FAM171B: variants seen among roughly 807,000 people sequenced by gnomAD.
FAM171B encodes family with sequence similarity 171 member B, also known as protein FAM171B.
A neutral mutation model predicts 75.6 loss-of-function variants in FAM171B; 19 were observed. The ratio of observed to expected loss-of-function variants is 0.25; its 90% confidence interval spans 0.18 to 0.37. The LOEUF is 0.37. Ranked by LOEUF, FAM171B falls within the 10% of genes least tolerant of loss-of-function variation. FAM171B has a pLI of 1.00. For missense variants in FAM171B, 848 were observed against 982.4 expected, an observed-to-expected ratio of 0.86 and a Z score of 1.83; for synonymous variants, 367 against 361.7, an observed-to-expected ratio of 1.01 and a Z score of -0.17.
In FAM171B at chr2:186,761,574, A is replaced by G. The variant is rs747388054; in HGVS notation, c.1232A>G (p.His411Arg). Residue 411 changes from histidine to arginine, a missense_variant, in exon 8 of 8, where the codon CAT (histidine) becomes CGT (arginine). Coordinates refer to ENST00000304698, the MANE Select transcript of FAM171B (RefSeq NM_177454.4). ...DQTTSTTHIN[H>R]ISTVKVALKA... is the part of the protein sequence containing the mutation. The stretch of plus-strand genomic sequence containing the variant: ...ACAACTTCAACAACACACATAAATC[A>G]TATCAGTACAGTTAAAGTTGCATTA... 3.1e-6 allele frequency: 5 copies of G among 1,611,856 alleles called. No individual in the cohort carries two copies. The highest frequency in any genetic ancestry group is 1.7e-5 in the Admixed American group (1 of 59,640).
intron 1 of FAM171B, among the ~76,000 whole-genome samples, chr2:186,723,384 G>T (rs1022313600): frequency 1.9e-4 from 29 of 152,286 alleles, no homozygotes; most frequent in Admixed American, 3.3e-4. Context: ...AATAGTCTGT[G>T]TGAAATAGAT....
intron 1 of FAM171B, among the ~76,000 whole-genome samples, chr2:186,737,943 G>A (rs1439606886): frequency 2.0e-5 from 3 of 152,184 alleles, no homozygotes; most frequent in African/African-American, 7.2e-5. Context: ...CTCGGCTCGC[G>A]CCTGCTCAGA....
chr2:186,709,781 C>T (rs1438605316), intron 1 of FAM171B, among the ~76,000 whole-genome samples: 1 of 152,150 alleles, frequency 6.6e-6, no homozygotes, highest in Non-Finnish European at 1.5e-5. Context: ...ATTTCCACAC[C>T]CCACCACAAG....
chr2:186,754,174 A>G (rs934806841), intron 6 of FAM171B, 125 bp downstream of exon 6: 6 of 660,866 alleles, frequency 9.1e-6, no homozygotes, highest in Non-Finnish European at 1.5e-5. Context: ...TGGGAAAGGA[A>G]CTTGATCTCA....
Position 186,763,251 on chromosome 2 carries a change from C to T in FAM171B, c.*428C>T, listed in dbSNP as rs933228739. 3 of 160,296 alleles carry T rather than the reference C, an allele frequency of 1.9e-5. No homozygotes were observed. Among genetic ancestry groups the T allele is most frequent in the African/African-American group, 7.2e-5 (3 of 41,476 alleles). 9.9% of individuals were successfully genotyped at this position (160,296 alleles called of 1,614,324 possible). A position where few individuals can be genotyped will look rare whatever the true frequency, so the allele number is the denominator to read the frequency against. On this transcript the variant is annotated 3_prime_UTR_variant, in exon 8 of 8. Coordinates refer to ENST00000304698, the MANE Select transcript of FAM171B (RefSeq NM_177454.4). ...AGGCATCATATTATTTTAAATGTTA[C>T]TATTACGTCTTCTTCTGCCTATACT...
chr2:186,752,396 A>G (rs1690469786), intron 5 of FAM171B, among the ~76,000 whole-genome samples: 1 of 152,294 alleles, frequency 6.6e-6, no homozygotes, highest in Non-Finnish European at 1.5e-5. Context: ...AAGCAGTAAT[A>G]TATCTATGTT....
At chr2:186,713,826 A>C (rs545351007) in intron 1 of FAM171B, among the ~76,000 whole-genome samples, 3 of 152,348 alleles carry the variant, frequency 2.0e-5, no homozygotes, top group African/African-American at 7.2e-5. Flanking sequence ...TGAGGTATTC[A>C]TCTGAGCTTT....
intron 4 of FAM171B, among the ~76,000 whole-genome samples, chr2:186,749,216 G>C (rs1309841267): frequency 6.6e-6 from 1 of 152,174 alleles, no homozygotes; most frequent in Non-Finnish European, 1.5e-5. Flanking sequence ...GGATAAAAAT[G>C]TCCTTTCATA....
intron 1 of FAM171B, among the ~76,000 whole-genome samples, chr2:186,738,048 A>T (rs1187225872): frequency 6.6e-6 from 1 of 152,104 alleles, no homozygotes; most frequent in African/African-American, 2.4e-5. Context: ...AGACTAGGGG[A>T]ACATGGTGAT....
chr2:186,763,023 G>C lies in FAM171B; in HGVS notation c.*200G>C. 3 of 599,460 alleles carry C rather than the reference G, an allele frequency of 5.0e-6. No individual in the cohort carries two copies. The highest frequency in any genetic ancestry group is 8.3e-6 in the Non-Finnish European group (3 of 363,616). 37.1% of individuals were successfully genotyped at this position (599,460 alleles called of 1,614,324 possible). On this transcript the variant is annotated 3_prime_UTR_variant, in exon 8 of 8. Coordinates refer to ENST00000304698, the MANE Select transcript of FAM171B (RefSeq NM_177454.4). ...TTCTGGCCTATTCATTTATTTTTGG[G>C]TGATGAATTTACAGTATCTAAGTTT...
intron 1 of FAM171B, among the ~76,000 whole-genome samples, chr2:186,722,427 T>TA (rs559628516): frequency 6.6e-6 from 1 of 151,866 alleles, no homozygotes; most frequent in African/African-American, 2.4e-5. Context: ...AATAGGTACT[T>TA]AAAAAAAAGG....
chr2:186,746,719 T>C (rs577651682), intron 3 of FAM171B, among the ~76,000 whole-genome samples: 1 of 152,328 alleles, frequency 6.6e-6, no homozygotes, highest in East Asian at 1.9e-4. Flanking sequence ...AACAAATCAC[T>C]GTGGCCAAGA....
intron 1 of FAM171B, among the ~76,000 whole-genome samples, chr2:186,702,789 C>T (rs1689681271): frequency 6.6e-6 from 1 of 152,002 alleles, no homozygotes; most frequent in African/African-American, 2.4e-5. Context: ...TATTACTCTT[C>T]AAACCTTGAG....
chr2:186,726,814 T>C (rs758129556), intron 1 of FAM171B, among the ~76,000 whole-genome samples: 8 of 152,208 alleles, frequency 5.3e-5, no homozygotes, highest in African/African-American at 1.7e-4. Flanking sequence ...GGAAGAGGAA[T>C]CTTATTATTT....
chr2:186,736,567 G>GTGTGTGTGTGGGAGA (rs55683607), intron 1 of FAM171B, among the ~76,000 whole-genome samples: 15 of 104,628 alleles, frequency 1.4e-4, no homozygotes, highest in East Asian at 1.3e-3. Flanking sequence ...TGTGTGTGTG[G>GTGTGTGTGTGGGAGA]GAGAGAGAGA....
At chr2:186,740,722 C>A (rs574969234) in intron 2 of FAM171B, among the ~76,000 whole-genome samples, 146 of 152,196 alleles carry the variant, frequency 9.6e-4, no homozygotes, top group Admixed American at 1.6e-3. Context: ...AGTCTAAGAT[C>A]AAGGTGCCAG....
In FAM171B at chr2:186,700,870, A is replaced by C. The variant is rs182024991; in HGVS notation, c.238+6459A>C. ...GATTACTTTAAAAATAATGAAATTT[A>C]ATGTGTAGTATTACTGTATACTTTT... is the stretch of plus-strand genomic sequence containing the variant. On this transcript the variant is annotated intron_variant, in intron 1 of 7. Coordinates refer to ENST00000304698, the MANE Select transcript of FAM171B (RefSeq NM_177454.4). 3.3e-5 allele frequency among the ~76,000 whole-genome samples: 5 copies of C among 152,254 alleles called. No individual in the cohort carries two copies. The East Asian group carries it at 9.6e-4, about 29-fold the overall frequency.
rs899856850 is a variant in FAM171B at position 186,763,864 on chromosome 2, T to C, written c.*1041T>C. On this transcript the variant is annotated 3_prime_UTR_variant, in exon 8 of 8. Coordinates refer to ENST00000304698, the MANE Select transcript of FAM171B (RefSeq NM_177454.4). ...ATTTTCCTGAGGCTCAAAAATACCT[T>C]CAGGATAGTTGTATATCCAGTTATT... 8 of 152,134 alleles carry C rather than the reference T, an allele frequency of 5.3e-5. No individual in the cohort carries two copies. Among genetic ancestry groups the C allele is most frequent in the African/African-American group, 1.9e-4 (8 of 41,464 alleles). 9.4% of individuals were successfully genotyped at this position (152,134 alleles called of 1,614,324 possible). A position where few individuals can be genotyped will look rare whatever the true frequency, so the allele number is the denominator to read the frequency against.
intron 1 of FAM171B, among the ~76,000 whole-genome samples, chr2:186,720,700 C>CAAAAAAAA (rs71411184): frequency 3.5e-4 from 38 of 110,046 alleles, no homozygotes; most frequent in Middle Eastern, 6.0e-3. Flanking sequence ...AGATCATGTA[C>CAAAAAAAA]AAAAAAAAAA....
Sources: gnomAD v4.1 joint callset for allele counts (sites outside exome capture counted in the v4.1 genomes callset) on GRCh38, gnomAD v4.1.1 for gene constraint, MANE v1.5 for transcripts, NCBI Gene and HGNC (gene_info 2026-07-23, HGNC 2026-07-21) for gene names.